The following EFCAB6 variants were observed in gnomAD, a reference collection of about 807,000 sequenced individuals.
EFCAB6 encodes the protein EF-hand calcium binding domain 6.
A neutral mutation model predicts 169.8 loss-of-function variants in EFCAB6; 156 were observed. The ratio of observed to expected loss-of-function variants is 0.92; its 90% confidence interval spans 0.81 to 1.05. The LOEUF (loss-of-function observed/expected upper bound fraction) is 1.05, where lower values mean the gene tolerates loss of function less well. EFCAB6 is among the 50% of genes least tolerant of loss of function. EFCAB6 has a pLI of 0.00. For missense variants in EFCAB6, 1,800 were observed against 1,829.1 expected, an observed-to-expected ratio of 0.98 and a Z score of 0.29; for synonymous variants, 698 against 676.4, an observed-to-expected ratio of 1.03 and a Z score of -0.50.
Position 43,572,092 on chromosome 22 carries a change from C to T in EFCAB6, c.3420+4205G>A, listed in dbSNP as rs932851114. 4.6e-5 allele frequency among the ~76,000 whole-genome samples: 7 copies of T among 152,150 alleles called. No individual in the cohort carries two copies. The highest frequency in any genetic ancestry group is 1.7e-4 in the African/African-American group (7 of 41,438). On this transcript the variant is annotated intron_variant, in intron 26 of 31. Transcript: ENST00000262726. This position sits in a 1 kb window ranked among gnomAD's most constrained non-coding sequence, Gnocchi z 4.0. The stretch of plus-strand genomic sequence containing the variant: ...AGGGATGCGTGCTGCAGGGACAGTG[C>T]CACCTCTGCATCCACGGTTCCTAGT...
chr22:43,598,418 C>T (rs1030213308), intron 23 of EFCAB6, among the ~76,000 whole-genome samples: 14 of 145,962 alleles, frequency 9.6e-5, no homozygotes, highest in Non-Finnish European at 1.8e-4. Context: ...AGGGAAGGGT[C>T]GGGAGGGGGA....
At chr22:43,765,433 T>A in intron 4 of EFCAB6, 40 bp from the exon 5 acceptor site, 2 of 1,513,326 alleles carry the variant, frequency 1.3e-6, no homozygotes, top group Non-Finnish European at 1.8e-6. Context: ...GTTAGAGAAT[T>A]AAGATCCAAG....
intron 4 of EFCAB6, among the ~76,000 whole-genome samples, chr22:43,768,120 T>A (rs2061372624): frequency 6.6e-6 from 1 of 152,178 alleles, no homozygotes; most frequent in South Asian, 2.1e-4. Context: ...AATTTACCAA[T>A]TCAACTTCTT....
At chr22:43,633,046 C>T (rs1049711273) in intron 18 of EFCAB6, among the ~76,000 whole-genome samples, 2 of 152,192 alleles carry the variant, frequency 1.3e-5, no homozygotes, top group African/African-American at 4.8e-5. Flanking sequence ...AGAAGGTCCT[C>T]GTGTTTGTTT....
intron 2 of EFCAB6, among the ~76,000 whole-genome samples, chr22:43,802,010 A>G (rs1178098170): frequency 6.6e-6 from 1 of 152,214 alleles, no homozygotes; most frequent in Non-Finnish European, 1.5e-5. Context: ...CTGAAAGTGA[A>G]GGGATGGAAA....
chr22:43,677,502 C>T (rs758824638), intron 13 of EFCAB6, among the ~76,000 whole-genome samples: 3 of 151,974 alleles, frequency 2.0e-5, no homozygotes, highest in East Asian at 1.9e-4. Flanking sequence ...AAAAATTACC[C>T]GGGCGTAGCA....
chr22:43,766,002 T>C (rs2061315251), intron 4 of EFCAB6, among the ~76,000 whole-genome samples: 1 of 152,176 alleles, frequency 6.6e-6, no homozygotes, highest in Non-Finnish European at 1.5e-5. Flanking sequence ...AGAACTATGA[T>C]ACAAGCAACT....
intron 13 of EFCAB6, among the ~76,000 whole-genome samples, chr22:43,675,575 T>C (rs8136863): frequency 2.8e-5 from 4 of 144,556 alleles, no homozygotes; most frequent in Admixed American, 2.1e-4. Flanking sequence ...AGATATAGTA[T>C]ATTTATATGA....
chr22:43,791,527 G>A lies in EFCAB6; in HGVS notation c.-7-9202C>T, dbSNP rs550600354. Among the ~76,000 whole-genome samples, 20 of 152,232 alleles carry A rather than the reference G, an allele frequency of 1.3e-4. No homozygotes were observed. The East Asian group carries it at 3.9e-3, about 29-fold the overall frequency. On this transcript the variant is annotated intron_variant, in intron 2 of 31. Transcript: ENST00000262726. Reference sequence around the variant, plus strand: ...GTTCACCGTTGAAGGAGATGAAGAAGAACCAGCAAAGGAGACTGAGAAAGA... The same window carrying A: ...GTTCACCGTTGAAGGAGATGAAGAAAAACCAGCAAAGGAGACTGAGAAAGA...
chr22:43,743,155 G>T (rs568340724), intron 6 of EFCAB6, among the ~76,000 whole-genome samples: 1 of 152,322 alleles, frequency 6.6e-6, no homozygotes, highest in African/African-American at 2.4e-5. Flanking sequence ...CAATTAAAAA[G>T]ATTTAGGTGA....
chr22:43,687,676 G>A, intron 10 of EFCAB6, 95 bp from the exon 11 acceptor site: 1 of 612,270 alleles, frequency 1.6e-6, no homozygotes, highest in Non-Finnish European at 2.7e-6. Flanking sequence ...GAAAATGGCA[G>A]CAATGCATTT....
chr22:43,714,516 T>A (rs1426133610), intron 9 of EFCAB6, among the ~76,000 whole-genome samples: 2 of 125,112 alleles, frequency 1.6e-5, no homozygotes, highest in Non-Finnish European at 3.4e-5. Context: ...TTTGCTTTGT[T>A]AATTTCAAGG....
At chr22:43,735,351 G>A (rs1671671774) in intron 7 of EFCAB6, among the ~76,000 whole-genome samples, 2 of 104,272 alleles carry the variant, frequency 1.9e-5, no homozygotes, top group Admixed American at 8.7e-5. Flanking sequence ...CCCTCCTGCC[G>A]CACACCCCTC....
At chr22:43,604,623 C>T (rs941781482) in intron 22 of EFCAB6, among the ~76,000 whole-genome samples, 4 of 152,134 alleles carry the variant, frequency 2.6e-5, no homozygotes, top group African/African-American at 9.7e-5. Context: ...AGCCAGGCAC[C>T]GAGTAGGTTC....
chr22:43,584,022 A>G (rs914684368), intron 24 of EFCAB6, among the ~76,000 whole-genome samples: 3 of 152,190 alleles, frequency 2.0e-5, no homozygotes, highest in African/African-American at 7.2e-5. Context: ...ATACTGAACA[A>G]TATTTACATA....
intron 21 of EFCAB6, among the ~76,000 whole-genome samples, chr22:43,610,576 T>C (rs547464250): frequency 2.0e-5 from 3 of 152,360 alleles, no homozygotes; most frequent in East Asian, 3.9e-4. Context: ...ATATTTACTA[T>C]CTGGGCCTTT....
intron 6 of EFCAB6, among the ~76,000 whole-genome samples, chr22:43,741,046 T>C (rs2060350875): frequency 6.6e-6 from 1 of 152,168 alleles, no homozygotes; most frequent in African/African-American, 2.4e-5. Flanking sequence ...AGAATTGAGC[T>C]GCAGATGGCG....
chr22:43,794,450 G>A (rs1038299642), intron 2 of EFCAB6, among the ~76,000 whole-genome samples: 4 of 152,234 alleles, frequency 2.6e-5, no homozygotes, highest in East Asian at 3.9e-4. Context: ...TTAATCCTTG[G>A]CTTTTTGTCC....
chr22:43,787,385 AT>A (rs562162939), intron 2 of EFCAB6, among the ~76,000 whole-genome samples: 229 of 146,162 alleles, frequency 1.6e-3, no homozygotes, highest in African/African-American at 5.7e-3. Context: ...CACACACACA[AT>A]TAGAACTAAT....
Sources: gnomAD v4.1 joint callset for allele counts (sites outside exome capture counted in the v4.1 genomes callset) on GRCh38, gnomAD v4.1.1 for gene constraint, Gnocchi (gnomAD v3.1) non-coding constraint, MANE v1.5 for transcripts, NCBI Gene and HGNC (gene_info 2026-07-23, HGNC 2026-07-21) for gene names.